CDH5: variants seen among roughly 807,000 people sequenced by gnomAD.
The protein encoded by CDH5 is cadherin 5.
Under a neutral mutation model 62.0 loss-of-function variants are expected in CDH5, and 28 were observed. The ratio of observed to expected loss-of-function variants is 0.45; its 90% confidence interval spans 0.33 to 0.62. The LOEUF is 0.62. Ranked by LOEUF, CDH5 falls within the 20% of genes least tolerant of loss-of-function variation. The pLI is 0.02. For missense variants in CDH5, 940 were observed against 1,065.1 expected, an observed-to-expected ratio of 0.88 and a Z score of 1.63; for synonymous variants, 464 against 445.8, an observed-to-expected ratio of 1.04 and a Z score of -0.52.
chr16:66,366,953 G>A (rs1185597344), intron 1 of CDH5, among the ~76,000 whole-genome samples, 195 bp downstream of exon 1: 1 of 152,252 alleles, frequency 6.6e-6, no homozygotes, highest in Non-Finnish European at 1.5e-5. Context: ...GTAGTGCCAA[G>A]GGCACAAATG....
At chr16:66,393,772 T>A (rs1248168931) in intron 7 of CDH5, among the ~76,000 whole-genome samples, 2 of 152,254 alleles carry the variant, frequency 1.3e-5, no homozygotes, top group African/African-American at 4.8e-5. Flanking sequence ...TTGTGAAATT[T>A]AAAATTTTGT....
At chr16:66,368,548 G>A (rs1235994846) in intron 1 of CDH5, among the ~76,000 whole-genome samples, 2 of 152,216 alleles carry the variant, frequency 1.3e-5, no homozygotes, top group Non-Finnish European at 2.9e-5. Flanking sequence ...ACACCCAGGG[G>A]ACAGAGGGGA....
chr16:66,392,464 T>A, intron 7 of CDH5, 81 bp downstream of exon 7: 1 of 1,555,638 alleles, frequency 6.4e-7, no homozygotes, highest in South Asian at 1.2e-5. Context: ...AGGCCAGGAC[T>A]CAGAGAGGGG....
At chr16:66,373,847 C>T (rs546761371) in intron 1 of CDH5, among the ~76,000 whole-genome samples, 54 of 152,230 alleles carry the variant, frequency 3.5e-4, no homozygotes, top group African/African-American at 1.3e-3. Flanking sequence ...CTCTGAGCCT[C>T]AGTTTCCTAA....
chr16:66,379,107 C>G (rs2344563), intron 1 of CDH5: 2 of 543,178 alleles, frequency 3.7e-6, no homozygotes, highest in Non-Finnish European at 6.5e-6. Context: ...ATCTTAAATG[C>G]GCTTGTTTAC....
At chr16:66,379,165 C>T in intron 1 of CDH5, 154 bp from the exon 2 acceptor site, 3 of 642,210 alleles carry the variant, frequency 4.7e-6, no homozygotes, top group Non-Finnish European at 2.7e-6. Flanking sequence ...TGACTGCTCC[C>T]TGAAAGGGGG....
chr16:66,384,066 G>A (rs1174480814), intron 2 of CDH5, among the ~76,000 whole-genome samples: 1 of 149,050 alleles, frequency 6.7e-6, no homozygotes, highest in Non-Finnish European at 1.5e-5. Context: ...GAGTTCTCTG[G>A]AGGAGTCCAG....
rs148266504 is a variant in CDH5 at position 66,383,867 on chromosome 16, C to T, written c.211-2942C>T. 7.2e-5 allele frequency among the ~76,000 whole-genome samples: 11 copies of T among 152,232 alleles called. No individual in the cohort carries two copies. In the East Asian group the frequency reaches 2.1e-3, roughly 29 times the overall value. ...AATCCTCACTCCCTGTCTCCACTTC[C>T]TCCCCTTCTAGAATCTTCCCTAGGC... is the stretch of plus-strand genomic sequence containing the variant. On this transcript the variant is annotated intron_variant, in intron 2 of 11. Coordinates refer to ENST00000341529, the MANE Select transcript of CDH5 (RefSeq NM_001795.5).
chr16:66,386,671 A>T, intron 2 of CDH5, 138 bp from the exon 3 acceptor site: 1 of 697,190 alleles, frequency 1.4e-6, no homozygotes, highest in South Asian at 2.1e-5. Flanking sequence ...TCAGTATCAT[A>T]TTTAGGGACC....
chr16:66,385,212 C>T (rs1290415364), intron 2 of CDH5, among the ~76,000 whole-genome samples: 2 of 152,114 alleles, frequency 1.3e-5, no homozygotes, highest in Non-Finnish European at 2.9e-5. Flanking sequence ...TATACCGTTC[C>T]TAATATTTTC....
intron 5 of CDH5, among the ~76,000 whole-genome samples, 174 bp downstream of exon 5, chr16:66,389,696 A>G (rs1446559334): frequency 6.6e-6 from 1 of 151,898 alleles, no homozygotes; most frequent in African/African-American, 2.4e-5. Context: ...CCATCCCAAT[A>G]CCACATTCCC....
At chr16:66,397,783 C>T (rs1961211539) in intron 8 of CDH5, among the ~76,000 whole-genome samples, 199 bp from the exon 9 acceptor site, 1 of 151,652 alleles carries the variant, frequency 6.6e-6, no homozygotes, top group Non-Finnish European at 1.5e-5. Context: ...AAAGTAATAC[C>T]TCAGTAAACC....
intron 3 of CDH5, among the ~76,000 whole-genome samples, 159 bp from the exon 4 acceptor site, chr16:66,388,165 C>T (rs1961018796): frequency 6.6e-6 from 1 of 152,196 alleles, no homozygotes; most frequent in Non-Finnish European, 1.5e-5. Context: ...AGCACTTTGC[C>T]CCCATGCAGG....
chr16:66,391,942 G>A (rs369670215), intron 6 of CDH5, among the ~76,000 whole-genome samples, 194 bp from the exon 7 acceptor site: 3 of 152,214 alleles, frequency 2.0e-5, no homozygotes, highest in East Asian at 1.9e-4. Flanking sequence ...ATGAAATGGG[G>A]AGCAGCTGAA....
intron 2 of CDH5, 22 bp downstream of exon 2, chr16:66,379,569 A>G: frequency 6.2e-7 from 1 of 1,608,906 alleles, no homozygotes; most frequent in Non-Finnish European, 8.5e-7. Context: ...GCCCCAGGAC[A>G]GGAGAAGCCA....
intron 8 of CDH5, among the ~76,000 whole-genome samples, chr16:66,397,370 C>T (rs1961204027): frequency 6.6e-6 from 1 of 152,116 alleles, no homozygotes; most frequent in Non-Finnish European, 1.5e-5. Context: ...CAGGCGTGCA[C>T]CACATTGCCC....
chr16:66,388,016 G>A (rs1961015813), intron 3 of CDH5, among the ~76,000 whole-genome samples: 1 of 152,190 alleles, frequency 6.6e-6, no homozygotes, highest in Non-Finnish European at 1.5e-5. Flanking sequence ...AGGAGAGGGA[G>A]AAGCAGCTCA....
intron 1 of CDH5, among the ~76,000 whole-genome samples, chr16:66,370,975 G>GT (rs1452314742): frequency 7.9e-5 from 12 of 152,266 alleles, no homozygotes; most frequent in Non-Finnish European, 4.4e-5. Context: ...CCAGCAGGGA[G>GT]TGGGGAGGCT....
At chr16:66,367,026 C>A (rs1960599805) in intron 1 of CDH5, among the ~76,000 whole-genome samples, 1 of 152,254 alleles carries the variant, frequency 6.6e-6, no homozygotes, top group Non-Finnish European at 1.5e-5. Flanking sequence ...TATTCTCCAA[C>A]TCAAAAAGGC....
Sources: gnomAD v4.1 joint callset for allele counts (sites outside exome capture counted in the v4.1 genomes callset) on GRCh38, gnomAD v4.1.1 for gene constraint, MANE v1.5 for transcripts, NCBI Gene and HGNC (gene_info 2026-07-23, HGNC 2026-07-21) for gene names.